Variants in GSG1L observed in about 807,000 individuals in gnomAD.
The protein encoded by GSG1L is germ cell-specific gene 1-like protein.
A neutral mutation model predicts 42.1 loss-of-function variants in GSG1L; 24 were observed. The observed-to-expected ratio is 0.57, with a 90% confidence interval of 0.41 to 0.80. The LOEUF (loss-of-function observed/expected upper bound fraction) is 0.80, where lower values mean the gene tolerates loss of function less well. GSG1L is among the 30% of genes least tolerant of loss of function. The pLI, the probability that GSG1L is intolerant of heterozygous loss-of-function variation, is 0.00. For missense variants in GSG1L, 445 were observed against 472.2 expected, an observed-to-expected ratio of 0.94 and a Z score of 0.53; for synonymous variants, 215 against 203.5, an observed-to-expected ratio of 1.06 and a Z score of -0.48.
chr16:28,054,553 C>T (rs1421133909), intron 1 of GSG1L, among the ~76,000 whole-genome samples: 1 of 152,128 alleles, frequency 6.6e-6, no homozygotes, highest in East Asian at 1.9e-4. Flanking sequence ...CGCTTAAACC[C>T]AGGAGACGGA....
At chr16:28,008,604 T>C (rs1032169335) in intron 1 of GSG1L, among the ~76,000 whole-genome samples, 3 of 151,674 alleles carry the variant, frequency 2.0e-5, no homozygotes, top group Non-Finnish European at 2.9e-5. Context: ...ACCAGGGAGG[T>C]CTTCTAGAAA....
At chr16:27,957,047 A>G (rs1461251385) in intron 2 of GSG1L, among the ~76,000 whole-genome samples, 1 of 152,226 alleles carries the variant, frequency 6.6e-6, no homozygotes. Flanking sequence ...CTGCATGTTC[A>G]GTATCAAGTT....
intron 1 of GSG1L, among the ~76,000 whole-genome samples, chr16:28,012,938 C>T (rs1200244446): frequency 6.7e-6 from 1 of 148,428 alleles, no homozygotes; most frequent in Non-Finnish European, 1.5e-5. Flanking sequence ...ATAAAACTTA[C>T]AAGTGCCCAG....
At chr16:27,988,179 G>A (rs1331264329) in intron 1 of GSG1L, among the ~76,000 whole-genome samples, 1 of 151,804 alleles carries the variant, frequency 6.6e-6, no homozygotes, top group Non-Finnish European at 1.5e-5. Flanking sequence ...ACATCTTTCT[G>A]AAAAATTATG....
chr16:27,803,318 G>A (rs1030803046), intron 6 of GSG1L, among the ~76,000 whole-genome samples: 3 of 151,950 alleles, frequency 2.0e-5, no homozygotes, highest in Non-Finnish European at 4.4e-5. Flanking sequence ...TCATGCACCC[G>A]ACCCTCTCTG....
At position 27,842,185 on chromosome 16, in the gene GSG1L, G is replaced by A. The variant is rs143411084; in HGVS notation, c.662+2765C>T. 2.0e-3 allele frequency among the ~76,000 whole-genome samples: 309 copies of A among 151,000 alleles called. 1 individual carries two copies. Among genetic ancestry groups the A allele is most frequent in the African/African-American group, 6.8e-3 (279 of 41,146 alleles). ...CCAGTAGCACGATGTCGCGCGTGCCGAATTTCACATCAGTAGCACGTTGTT... is the reference window on the plus strand; with the variant it reads ...CCAGTAGCACGATGTCGCGCGTGCCAAATTTCACATCAGTAGCACGTTGTT... On this transcript the variant is annotated intron_variant, in intron 4 of 6. Transcript: ENST00000447459.
At chr16:27,962,665 C>G (rs993380662) in intron 2 of GSG1L, among the ~76,000 whole-genome samples, 1 of 152,218 alleles carries the variant, frequency 6.6e-6, no homozygotes, top group Non-Finnish European at 1.5e-5. Context: ...CTCTGGACAT[C>G]TCTGTGGGCT....
intron 2 of GSG1L, among the ~76,000 whole-genome samples, chr16:27,930,391 AT>A (rs1274359462): frequency 3.3e-5 from 5 of 151,884 alleles, no homozygotes; most frequent in African/African-American, 1.2e-4. Flanking sequence ...TCCCTGCTTT[AT>A]TTTCCTTGTC....
intron 1 of GSG1L, among the ~76,000 whole-genome samples, chr16:27,996,284 C>T (rs114492615): frequency 2.0e-5 from 3 of 152,154 alleles, no homozygotes; most frequent in Non-Finnish European, 4.4e-5. Flanking sequence ...CCCTCAAACA[C>T]TTCTGGAAAA....
intron 1 of GSG1L, among the ~76,000 whole-genome samples, chr16:28,037,835 A>G (rs1041115238): frequency 6.6e-6 from 1 of 151,900 alleles, no homozygotes; most frequent in African/African-American, 2.4e-5. Context: ...ACATTTTTCC[A>G]TCTAATATTT....
chr16:27,946,804 G>A (rs7193224), intron 2 of GSG1L, among the ~76,000 whole-genome samples: 35,608 of 152,004 alleles, frequency 0.23, 4,900 homozygotes, highest in African/African-American at 0.38. Context: ...CGCAAACTGA[G>A]TTATTCCAAG....
intron 1 of GSG1L, among the ~76,000 whole-genome samples, chr16:28,057,305 C>A (rs537862669): frequency 1.1e-3 from 161 of 152,224 alleles, no homozygotes; most frequent in Middle Eastern, 3.4e-3. Context: ...AGGTGGGACG[C>A]ACTGGGTTCT....
intron 1 of GSG1L, among the ~76,000 whole-genome samples, chr16:28,004,157 G>T (rs978581445): frequency 6.6e-6 from 1 of 152,162 alleles, no homozygotes; most frequent in African/African-American, 2.4e-5. Context: ...GGCTCCTCCT[G>T]CAGCTCAGAG....
In GSG1L at chr16:27,884,662, C is replaced by T. The variant is rs765778831; in HGVS notation, c.398-24G>A. The T allele has an allele frequency of 1.2e-5, 18 of 1,556,646 alleles. No homozygotes were observed. The highest frequency in any genetic ancestry group is 2.7e-5 in the African/African-American group (2 of 73,418). ...CCCTGTCCAACAGAGGCAGAGAGGC[C>T]GTGAGATGAGGGGCCACCCAAGATA... On this transcript the variant is annotated intron_variant, in intron 2 of 6. Transcript: ENST00000447459. The surrounding 1 kb of genome is among the most constrained non-coding windows in gnomAD (Gnocchi z 4.4).
intron 4 of GSG1L, among the ~76,000 whole-genome samples, chr16:27,838,110 TCTC>T (rs2083339368): frequency 6.6e-6 from 1 of 152,238 alleles, no homozygotes; most frequent in South Asian, 2.1e-4. Context: ...TTTAAGATTA[TCTC>T]CTCTTCTATC....
intron 3 of GSG1L, among the ~76,000 whole-genome samples, chr16:27,846,276 C>T (rs572448626): frequency 1.4e-4 from 21 of 152,238 alleles, no homozygotes; most frequent in African/African-American, 4.8e-4. Flanking sequence ...TTATTACTGC[C>T]CAATGCTGAG....
In GSG1L at chr16:27,839,664, C is replaced by T. The variant is rs58781459; in HGVS notation, c.662+5286G>A. 8.1e-3 allele frequency among the ~76,000 whole-genome samples: 1,237 copies of T among 152,338 alleles called. 20 individuals carry two copies. Among genetic ancestry groups the T allele is most frequent in the African/African-American group, 0.028 (1,176 of 41,570 alleles). The stretch of plus-strand genomic sequence containing the variant: ...CCAGATGCCTATCTAAAGTTTCAGT[C>T]ATTCTCAGCCTTATCTCCAGGCTGC... On this transcript the variant is annotated intron_variant, in intron 4 of 6. Coordinates refer to ENST00000447459, the MANE Select transcript of GSG1L (RefSeq NM_001109763.2).
chr16:27,926,676 G>A (rs116506879), intron 2 of GSG1L, among the ~76,000 whole-genome samples: 2,832 of 152,198 alleles, frequency 0.019, 87 homozygotes, highest in African/African-American at 0.064. Flanking sequence ...GCGACAGAGC[G>A]AGACTCCGTC....
intron 2 of GSG1L, among the ~76,000 whole-genome samples, chr16:27,961,078 C>T (rs1251031898): frequency 6.6e-6 from 1 of 152,200 alleles, no homozygotes; most frequent in Non-Finnish European, 1.5e-5. Flanking sequence ...CACATGGGCA[C>T]ACAACCCGTA....
Sources: gnomAD v4.1 joint callset for allele counts (sites outside exome capture counted in the v4.1 genomes callset) on GRCh38, gnomAD v4.1.1 for gene constraint, Gnocchi (gnomAD v3.1) non-coding constraint, MANE v1.5 for transcripts, NCBI Gene and HGNC (gene_info 2026-07-23, HGNC 2026-07-21) for gene names.